IL1RAPL2: variants seen among roughly 807,000 people sequenced by gnomAD.
The protein encoded by IL1RAPL2 is X-linked interleukin-1 receptor accessory protein-like 2.
In IL1RAPL2, 3 loss-of-function variants were observed where a neutral mutation model predicts 44.1. The observed-to-expected ratio is 0.07, with a 90% CI of 0.03 to 0.18. The LOEUF is 0.18. Ranked by LOEUF, IL1RAPL2 falls within the 10% of genes least tolerant of loss-of-function variation. The pLI is 1.00. For missense variants in IL1RAPL2, 391 were observed against 496.4 expected, an observed-to-expected ratio of 0.79 and a Z score of 2.02; for synonymous variants, 181 against 178.8, an observed-to-expected ratio of 1.01 and a Z score of -0.10.
At chrX:105,385,233 T>A (rs2035467655) in intron 5 of IL1RAPL2, among the ~76,000 whole-genome samples, 1 of 111,332 alleles carries the variant, frequency 9.0e-6, no homozygotes, top group Non-Finnish European at 1.9e-5. Flanking sequence ...TATGATTTAG[T>A]TAGCTGTGGG....
At chrX:105,148,703 G>A (rs1465018181) in intron 2 of IL1RAPL2, among the ~76,000 whole-genome samples, 1 of 111,476 alleles carries the variant, frequency 9.0e-6, no homozygotes, top group African/African-American at 3.3e-5. Flanking sequence ...AATTATCATA[G>A]GTCTTGCTAT....
intron 2 of IL1RAPL2, among the ~76,000 whole-genome samples, chrX:104,895,795 C>G (rs891105950): frequency 5.4e-5 from 6 of 111,813 alleles, no homozygotes; most frequent in African/African-American, 2.0e-4. Flanking sequence ...CACTGTCCTG[C>G]CCCCACTGTC....
In IL1RAPL2 at chrX:104,931,947, AGTGTGT is replaced by A. The variant is rs34524314; in HGVS notation, c.83-263505_83-263500del. On this transcript the variant is annotated intron_variant, in intron 2 of 10. Transcript: ENST00000372582. The stretch of plus-strand genomic sequence containing the variant: ...ACTCACAGATATGTGGGAAACTATG[AGTGTGT>A]GTGTGTGTGTGTGTGTGTGTGTTTG... Among the ~76,000 whole-genome samples the A allele has an allele frequency of 9.7e-3, 860 of 88,983 alleles. 4 individuals are homozygous for A. Among genetic ancestry groups the A allele is most frequent in the Middle Eastern group, 0.028 (5 of 176 alleles). The allele number at this position is 88,983 out of a possible 115,157, so 77.3% of individuals were successfully genotyped here.
chrX:105,042,059 C>A (rs2031752665), intron 2 of IL1RAPL2, among the ~76,000 whole-genome samples: 1 of 111,175 alleles, frequency 9.0e-6, no homozygotes, highest in South Asian at 3.8e-4. Flanking sequence ...TTCCTTACAC[C>A]TTATATAAAA....
At chrX:105,249,952 G>A (rs1270551102) in intron 4 of IL1RAPL2, among the ~76,000 whole-genome samples, 2 of 111,357 alleles carry the variant, frequency 1.8e-5, no homozygotes, top group Non-Finnish European at 3.8e-5. Context: ...TATGCAACCA[G>A]CAAGTCCTTC....
chrX:104,579,444 C>T (rs1008135259), intron 1 of IL1RAPL2, among the ~76,000 whole-genome samples: 1 of 111,812 alleles, frequency 8.9e-6, no homozygotes, highest in African/African-American at 3.3e-5. Context: ...GTCCTTTGCA[C>T]CAACACAGAT....
intron 5 of IL1RAPL2, among the ~76,000 whole-genome samples, chrX:105,460,252 G>A (rs912114371): frequency 1.8e-5 from 2 of 111,107 alleles, no homozygotes; most frequent in African/African-American, 3.3e-5. Flanking sequence ...TTTAATGAAG[G>A]AGACAAAAAC....
At chrX:104,773,096 A>G (rs906652851) in intron 2 of IL1RAPL2, among the ~76,000 whole-genome samples, 3 of 110,682 alleles carry the variant, frequency 2.7e-5, no homozygotes, top group African/African-American at 9.9e-5. Flanking sequence ...TTTTGTAGAG[A>G]CAGGGTCTCA....
At chrX:105,566,198 AAG>A (rs987624525) in intron 6 of IL1RAPL2, among the ~76,000 whole-genome samples, 2 of 111,165 alleles carry the variant, frequency 1.8e-5, no homozygotes, top group African/African-American at 6.5e-5. Flanking sequence ...AACCCAGGAA[AAG>A]AGAGAGAGAG....
intron 1 of IL1RAPL2, among the ~76,000 whole-genome samples, chrX:104,608,102 C>T (rs1011703899): frequency 9.0e-6 from 1 of 110,916 alleles, no homozygotes; most frequent in Non-Finnish European, 1.9e-5. Flanking sequence ...AGCAGAAAAC[C>T]ATCATTCTCA....
chrX:105,317,205 A>C (rs1441121054), intron 5 of IL1RAPL2, among the ~76,000 whole-genome samples: 1 of 111,776 alleles, frequency 8.9e-6, no homozygotes, highest in African/African-American at 3.3e-5. Flanking sequence ...TAAGGGAAAA[A>C]CCCTTTCTGT....
chrX:105,202,477 A>T (rs781948536), intron 3 of IL1RAPL2, among the ~76,000 whole-genome samples: 2 of 112,415 alleles, frequency 1.8e-5, no homozygotes, highest in African/African-American at 3.2e-5. Flanking sequence ...GTGGCAGGCC[A>T]CCTGAAACAT....
chrX:105,234,078 T>C, intron 4 of IL1RAPL2, 74 bp downstream of exon 4: 1 of 807,590 alleles, frequency 1.2e-6, no homozygotes, highest in Non-Finnish European at 1.7e-6. Flanking sequence ...AAGGGAGATT[T>C]TTTTACTAGT....
intron 2 of IL1RAPL2, among the ~76,000 whole-genome samples, chrX:104,714,583 C>T (rs952817923): frequency 1.8e-5 from 2 of 111,386 alleles, no homozygotes; most frequent in African/African-American, 6.5e-5. Context: ...ATCAATTCAA[C>T]CTCTTTTCTT....
At chrX:104,701,053 T>G (rs980434152) in intron 2 of IL1RAPL2, among the ~76,000 whole-genome samples, 3 of 111,305 alleles carry the variant, frequency 2.7e-5, no homozygotes, top group Non-Finnish European at 5.7e-5. Context: ...TTAGCTGTAA[T>G]AGAGGGACTG....
At chrX:104,609,504 G>T (rs867271189) in intron 1 of IL1RAPL2, among the ~76,000 whole-genome samples, 8 of 111,890 alleles carry the variant, frequency 7.1e-5, no homozygotes, top group African/African-American at 2.0e-4. Context: ...TGTAGATTTG[G>T]TCTCTTCACA....
chrX:105,658,997 C>T (rs185249571), intron 6 of IL1RAPL2, among the ~76,000 whole-genome samples: 4 of 107,630 alleles, frequency 3.7e-5, no homozygotes, highest in East Asian at 2.9e-4. Flanking sequence ...TGTGGTGGCA[C>T]GTGCCTATAG....
chrX:105,629,525 T>C (rs967351284), intron 6 of IL1RAPL2, among the ~76,000 whole-genome samples: 1 of 111,718 alleles, frequency 9.0e-6, no homozygotes, highest in African/African-American at 3.2e-5. Context: ...CTCTCTCCCA[T>C]TCCATGAAGC....
chrX:105,693,670 G>T (rs2038054251), intron 6 of IL1RAPL2, among the ~76,000 whole-genome samples: 1 of 111,754 alleles, frequency 8.9e-6, no homozygotes, highest in Non-Finnish European at 1.9e-5. Flanking sequence ...GAGTTGAAGA[G>T]ATTATTCTAG....
Sources: allele counts gnomAD v4.1 joint callset (sites outside exome capture counted in the v4.1 genomes callset), GRCh38; gene constraint gnomAD v4.1.1; transcripts MANE v1.5; gene names NCBI Gene and HGNC (gene_info 2026-07-23, HGNC 2026-07-21).